IPO11: variants seen among roughly 807,000 people sequenced by gnomAD.
The protein encoded by IPO11 is importin 11.
A neutral mutation model predicts 143.2 loss-of-function variants in IPO11; 66 were observed. The ratio of observed to expected loss-of-function variants is 0.46; its 90% CI spans 0.38 to 0.57. IPO11 has a LOEUF of 0.57. Ranked by LOEUF, IPO11 falls within the 20% of genes least tolerant of loss-of-function variation. The pLI is 0.00. For synonymous variants in IPO11, 385 were observed against 377.8 expected (o/e 1.02, Z -0.22); for missense variants, 1,026 against 1,141.0 (o/e 0.90, Z 1.45).
intron 16 of IPO11, among the ~76,000 whole-genome samples, chr5:62,495,726 C>T (rs1249197060): frequency 1.3e-5 from 2 of 152,144 alleles, no homozygotes; most frequent in African/African-American, 2.4e-5. Flanking sequence ...CCACCTCAGC[C>T]TCCCAAAGTG....
At chr5:62,428,603 A>G (rs1360941237) in intron 1 of IPO11, among the ~76,000 whole-genome samples, 1 of 152,066 alleles carries the variant, frequency 6.6e-6, no homozygotes, top group Non-Finnish European at 1.5e-5. Flanking sequence ...CAGCCTCCCA[A>G]AGTGCTGGGA....
intron 21 of IPO11, among the ~76,000 whole-genome samples, chr5:62,529,991 C>A (rs1580289170): frequency 6.6e-6 from 1 of 152,146 alleles, no homozygotes; most frequent in African/African-American, 2.4e-5. Flanking sequence ...CTAATGCGGT[C>A]AGATTGGCTT....
intron 27 of IPO11, among the ~76,000 whole-genome samples, chr5:62,584,638 AGG>A (rs1184458205): frequency 7.5e-6 from 1 of 133,364 alleles, no homozygotes; most frequent in African/African-American, 2.8e-5. Flanking sequence ...AAAAAAAAAA[AGG>A]AAATAGGAGC....
Position 62,553,057 on chromosome 5 carries a change from CCTAT to C in IPO11, c.2460+1726_2460+1729del, listed in dbSNP as rs563123723. 6.2e-4 allele frequency among the ~76,000 whole-genome samples: 95 copies of C among 152,284 alleles called. 2 individuals are homozygous for C. The highest frequency in any genetic ancestry group is 6.8e-3 in the Middle Eastern group (2 of 294). On this transcript the variant is annotated intron_variant, in intron 26 of 29. Coordinates refer to ENST00000325324, the MANE Select transcript of IPO11 (RefSeq NM_016338.5). Reference sequence around the variant, plus strand: ...ATATAGAACACTAGAACTTATTCCTCCTATCTATGTGTGATTTTTTTATCTTTTA... The same window carrying C: ...ATATAGAACACTAGAACTTATTCCTCCTATGTGTGATTTTTTTATCTTTTA...
chr5:62,489,633 G>A (rs1375192501), intron 14 of IPO11, among the ~76,000 whole-genome samples: 1 of 152,186 alleles, frequency 6.6e-6, no homozygotes, highest in Non-Finnish European at 1.5e-5. Flanking sequence ...GGAGTTACAC[G>A]TGTGAGGAGG....
chr5:62,518,108 G>A (rs1280398826), intron 20 of IPO11, among the ~76,000 whole-genome samples: 1 of 147,404 alleles, frequency 6.8e-6, no homozygotes, highest in Non-Finnish European at 1.5e-5. Flanking sequence ...TTCGAGACCA[G>A]CCTGGCCAAC....
chr5:62,442,451 A>G (rs908504407), intron 2 of IPO11, among the ~76,000 whole-genome samples: 1 of 152,234 alleles, frequency 6.6e-6, no homozygotes, highest in Non-Finnish European at 1.5e-5. Context: ...TCAGCTTTGA[A>G]CAGTTAACAT....
chr5:62,503,857 A>G (rs555427641), intron 16 of IPO11, among the ~76,000 whole-genome samples: 1 of 152,320 alleles, frequency 6.6e-6, no homozygotes, highest in Non-Finnish European at 1.5e-5. Flanking sequence ...AATGACTGGA[A>G]AGAAAATAAC....
At chr5:62,594,834 G>GA (rs1745157623) in intron 28 of IPO11, among the ~76,000 whole-genome samples, 1 of 152,204 alleles carries the variant, frequency 6.6e-6, no homozygotes, top group Admixed American at 6.5e-5. Flanking sequence ...GTGCAAGAGA[G>GA]AAAGGAGTCC....
chr5:62,601,575 T>C (rs893504431), intron 28 of IPO11, among the ~76,000 whole-genome samples, 189 bp from the exon 29 acceptor site: 3 of 152,150 alleles, frequency 2.0e-5, no homozygotes, highest in African/African-American at 7.2e-5. Flanking sequence ...TGGCCCTTTT[T>C]ATAGTGAGAT....
chr5:62,523,372 A>G (rs1161713617), intron 20 of IPO11, among the ~76,000 whole-genome samples: 2 of 152,188 alleles, frequency 1.3e-5, no homozygotes, highest in Non-Finnish European at 2.9e-5. Flanking sequence ...CAGAGCTTGT[A>G]TAGGGGGAAC....
chr5:62,469,099 A>C (rs1745670748), intron 6 of IPO11, among the ~76,000 whole-genome samples: 1 of 152,200 alleles, frequency 6.6e-6, no homozygotes, highest in Non-Finnish European at 1.5e-5. Context: ...TTCCCTGAGA[A>C]AGTGATCTTT....
chr5:62,523,078 C>T (rs528690845), intron 20 of IPO11, among the ~76,000 whole-genome samples: 2 of 152,298 alleles, frequency 1.3e-5, no homozygotes, highest in South Asian at 2.1e-4. Flanking sequence ...TTTTCCTGCT[C>T]CCCTGCTGGA....
Position 62,627,432 on chromosome 5 carries a change from A to C in IPO11, c.*114A>C. 1 of 972,716 alleles carries C rather than the reference A, an allele frequency of 1.0e-6. No individual in the cohort carries two copies. The highest frequency in any genetic ancestry group is 1.5e-6 in the Non-Finnish European group (1 of 663,794). The allele number at this position is 972,716 out of a possible 1,614,324, so 60.3% of individuals were successfully genotyped here. ...GAAATCACTTCATGAAAATAAGCAA[A>C]GACCACACATTTTTTACTACAAAAT... is the stretch of plus-strand genomic sequence containing the variant. On this transcript the variant is annotated 3_prime_UTR_variant, in exon 30 of 30. Transcript: ENST00000325324.
intron 29 of IPO11, among the ~76,000 whole-genome samples, chr5:62,617,658 T>A (rs879223104): frequency 2.6e-5 from 4 of 152,118 alleles, no homozygotes; most frequent in Admixed American, 2.0e-4. Context: ...ATTTTTTTTT[T>A]AATGTAAAGA....
Position 62,483,217 on chromosome 5 carries a change from A to T in IPO11, c.945A>T (p.Arg315=), listed in dbSNP as rs1227602509. The change falls in exon 10 of 30, where the codon CGA becomes CGT. Residue 315 remains arginine, a synonymous_variant. Coordinates refer to ENST00000325324, the MANE Select transcript of IPO11 (RefSeq NM_016338.5). ...TEVGEGVTFE[R]FIVQCMNLIK... ...TTGGTGAAGGCGTTACATTTGAACG[A>T]TTCATTGTCCAATGTATGAATCTTA... The T allele has an allele frequency of 1.2e-6, 2 of 1,611,238 alleles. No individual in the cohort carries two copies. Among genetic ancestry groups the T allele is most frequent in the African/African-American group, 2.7e-5 (2 of 74,856 alleles).
Position 62,602,080 on chromosome 5 carries a change from A to G in IPO11, c.2763+232A>G, listed in dbSNP as rs944977156. Reference sequence around the variant, plus strand: ...TGTTGCTTATCTTAGTGCAGAGCAGATGATTTAGTGTTTTACTTATGGAAG... The same window carrying G: ...TGTTGCTTATCTTAGTGCAGAGCAGGTGATTTAGTGTTTTACTTATGGAAG... On this transcript the variant is annotated intron_variant, in intron 29 of 29. Transcript: ENST00000325324. 3.9e-5 allele frequency among the ~76,000 whole-genome samples: 6 copies of G among 152,330 alleles called. No individual in the cohort carries two copies. The East Asian group carries it at 1.2e-3, about 29-fold the overall frequency.
chr5:62,479,602 GT>G (rs1346228240), intron 9 of IPO11, among the ~76,000 whole-genome samples: 1 of 152,152 alleles, frequency 6.6e-6, no homozygotes, highest in Non-Finnish European at 1.5e-5. Flanking sequence ...AGCACCTGTT[GT>G]TTCCTGACTT....
chr5:62,433,334 G>A (rs1000187982), intron 1 of IPO11, among the ~76,000 whole-genome samples: 4 of 150,732 alleles, frequency 2.7e-5, no homozygotes, highest in African/African-American at 9.7e-5. Context: ...GTTAGTAGCA[G>A]GTAAAGATGC....
Sources: allele counts gnomAD v4.1 joint callset (sites outside exome capture counted in the v4.1 genomes callset), GRCh38; gene constraint gnomAD v4.1.1; transcripts MANE v1.5; gene names NCBI Gene and HGNC (gene_info 2026-07-23, HGNC 2026-07-21).